RCOR1: variants seen among roughly 807,000 people sequenced by gnomAD.
The protein encoded by RCOR1 is REST corepressor.
In RCOR1, 12 loss-of-function variants were observed where a neutral mutation model predicts 64.0. The observed-to-expected ratio is 0.19, with a 90% CI of 0.12 to 0.30. The LOEUF is 0.30. Among genes scored for constraint, RCOR1 ranks in the 10% least tolerant of loss-of-function variants. RCOR1 has a pLI of 1.00. For missense variants in RCOR1, 502 were observed against 621.2 expected (o/e 0.81, Z 2.04); for synonymous variants, 279 against 227.2 (o/e 1.23, Z -2.05).
At chr14:102,654,868 A>G (rs189996810) in intron 2 of RCOR1, among the ~76,000 whole-genome samples, 58 of 142,708 alleles carry the variant, frequency 4.1e-4, no homozygotes, top group African/African-American at 1.3e-3. Flanking sequence ...GAGTGCAGTG[A>G]CATGATCAAG....
intron 2 of RCOR1, among the ~76,000 whole-genome samples, chr14:102,608,596 G>A (rs1893563491): frequency 6.6e-6 from 1 of 151,918 alleles, no homozygotes; most frequent in Non-Finnish European, 1.5e-5. Context: ...CACCATGCCT[G>A]GCTGATTTTT....
At chr14:102,630,234 G>C (rs1305614683) in intron 2 of RCOR1, among the ~76,000 whole-genome samples, 2 of 152,110 alleles carry the variant, frequency 1.3e-5, no homozygotes, top group African/African-American at 4.8e-5. Flanking sequence ...AAAAAGAGCT[G>C]GCGCCTCTCT....
chr14:102,607,841 C>A (rs1354609622), intron 2 of RCOR1, among the ~76,000 whole-genome samples: 1 of 151,878 alleles, frequency 6.6e-6, no homozygotes, highest in Non-Finnish European at 1.5e-5. Context: ...GAGATCGTGC[C>A]ACTGCACACT....
intron 2 of RCOR1, among the ~76,000 whole-genome samples, chr14:102,642,194 TTGAA>T (rs2139921933): frequency 6.6e-6 from 1 of 151,616 alleles, no homozygotes; most frequent in African/African-American, 2.4e-5. Flanking sequence ...CTTACTCTAA[TTGAA>T]AGAATACATA....
At chr14:102,640,181 G>A (rs2139920172) in intron 2 of RCOR1, among the ~76,000 whole-genome samples, 2 of 151,638 alleles carry the variant, frequency 1.3e-5, no homozygotes. Flanking sequence ...TTTGCGTTTT[G>A]CCGTGTTGCC....
intron 2 of RCOR1, among the ~76,000 whole-genome samples, chr14:102,606,364 A>G (rs1465251525): frequency 6.6e-6 from 1 of 151,306 alleles, no homozygotes; most frequent in African/African-American, 2.4e-5. Context: ...ACCTGACTGT[A>G]TTTACACCCA....
intron 2 of RCOR1, among the ~76,000 whole-genome samples, chr14:102,612,675 T>C (rs1893655362): frequency 6.6e-6 from 1 of 151,802 alleles, no homozygotes; most frequent in Non-Finnish European, 1.5e-5. Flanking sequence ...CTCCATCTGA[T>C]CTCATTTGCT....
chr14:102,704,394 T>C (rs1895807925), intron 4 of RCOR1, among the ~76,000 whole-genome samples: 1 of 152,236 alleles, frequency 6.6e-6, no homozygotes, highest in Admixed American at 6.5e-5. Flanking sequence ...CAAAAAATTG[T>C]ATGTATAAAT....
intron 11 of RCOR1, among the ~76,000 whole-genome samples, chr14:102,723,804 G>A (rs1021993922): frequency 2.0e-5 from 3 of 152,212 alleles, no homozygotes; most frequent in Admixed American, 6.5e-5. Flanking sequence ...GTGTTTTCCG[G>A]CTTCGGTCCC....
intron 7 of RCOR1, among the ~76,000 whole-genome samples, chr14:102,712,244 A>T (rs1013783894): frequency 2.6e-5 from 4 of 151,752 alleles, no homozygotes; most frequent in African/African-American, 9.7e-5. Flanking sequence ...GTGCAGTAGT[A>T]TGACCTTGGC....
At chr14:102,653,361 GGCACTC>G (rs1196097915) in intron 2 of RCOR1, among the ~76,000 whole-genome samples, 43 of 152,076 alleles carry the variant, frequency 2.8e-4, no homozygotes, top group African/African-American at 1.0e-3. Context: ...TGGGACCACA[GGCACTC>G]GCTACCGTGC....
chr14:102,664,263 G>A (rs939521889), intron 2 of RCOR1, among the ~76,000 whole-genome samples: 4 of 151,874 alleles, frequency 2.6e-5, no homozygotes, highest in Non-Finnish European at 5.9e-5. Context: ...GAGCCACCAC[G>A]CCCAGCTGGG....
intron 3 of RCOR1, among the ~76,000 whole-genome samples, chr14:102,694,245 A>G (rs1895598350): frequency 6.6e-6 from 1 of 152,142 alleles, no homozygotes; most frequent in Admixed American, 6.5e-5. Flanking sequence ...AACTCCCACT[A>G]AGAAATAGCT....
intron 2 of RCOR1, chr14:102,655,999 C>T (rs1156252551): frequency 5.1e-5 from 48 of 942,270 alleles, no homozygotes; most frequent in Non-Finnish European, 5.9e-5. Context: ...GTGAAATAAA[C>T]CTATGAACCA....
intron 2 of RCOR1, among the ~76,000 whole-genome samples, chr14:102,639,497 TTTTATTTATTTATTTATTTATTTATTTA>T (rs3069233): frequency 2.7e-4 from 37 of 135,388 alleles, no homozygotes; most frequent in African/African-American, 9.9e-4. Flanking sequence ...ATTTTTTAAT[TTTTATTTATTTATTTATTTATTTATTTA>T]TTTATTTATT....
At chr14:102,645,977 G>A (rs1221050208) in intron 2 of RCOR1, among the ~76,000 whole-genome samples, 2 of 151,586 alleles carry the variant, frequency 1.3e-5, no homozygotes, top group African/African-American at 2.5e-5. Context: ...GTGGGAGGAT[G>A]AGCAGAATCT....
chr14:102,659,382 G>C (rs1368148354), intron 2 of RCOR1: 1 of 465,718 alleles, frequency 2.1e-6, no homozygotes, highest in African/African-American at 2.1e-5. Flanking sequence ...CTGGTGGTGG[G>C]TAACAATATT....
chr14:102,621,811 G>A (rs978009821), intron 2 of RCOR1, among the ~76,000 whole-genome samples: 4 of 152,020 alleles, frequency 2.6e-5, no homozygotes, highest in Admixed American at 2.0e-4. Context: ...GCCTCTTTTC[G>A]CCCTCCTACA....
intron 2 of RCOR1, among the ~76,000 whole-genome samples, chr14:102,607,175 C>T (rs947083690): frequency 2.6e-5 from 4 of 151,962 alleles, no homozygotes; most frequent in Non-Finnish European, 4.4e-5. Flanking sequence ...TTAGGTGATC[C>T]GTCTGCCTTG....
Sources: allele counts gnomAD v4.1 joint callset (sites outside exome capture counted in the v4.1 genomes callset), GRCh38; gene constraint gnomAD v4.1.1; transcripts MANE v1.5; gene names NCBI Gene and HGNC (gene_info 2026-07-23, HGNC 2026-07-21).